The following CES5A variants were observed in gnomAD, a reference collection of about 807,000 sequenced individuals.
The protein encoded by CES5A is carboxylesterase 5.
In CES5A, 67 loss-of-function variants were observed where a neutral mutation model predicts 62.9. The observed-to-expected ratio is 1.07, with a 90% CI of 0.88 to 1.31. CES5A has a LOEUF of 1.31. CES5A is among the 50% of genes most tolerant of loss of function. The pLI is 0.00. For missense variants in CES5A, 748 were observed against 708.5 expected (o/e 1.06, Z -0.63); for synonymous variants, 296 against 280.8 (o/e 1.05, Z -0.54).
rs547922688 is a variant in CES5A at position 55,864,644 on chromosome 16, C to T, written c.706-1192G>A. 3.3e-5 allele frequency among the ~76,000 whole-genome samples: 5 copies of T among 152,232 alleles called. No individual in the cohort carries two copies. In the South Asian group the frequency reaches 1.0e-3, roughly 32 times the overall value. On this transcript the variant is annotated intron_variant, in intron 5 of 12. Coordinates refer to ENST00000290567, the MANE Select transcript of CES5A (RefSeq NM_001143685.2). ...GCATAGTGGCTCACGCCTGTAATCCCAGCACTTTGGGAAGCCAAAGCAAGA... is the reference window on the plus strand; with the variant it reads ...GCATAGTGGCTCACGCCTGTAATCCTAGCACTTTGGGAAGCCAAAGCAAGA...
intron 1 of CES5A, among the ~76,000 whole-genome samples, chr16:55,894,301 G>A (rs1402275154): frequency 6.6e-6 from 1 of 151,974 alleles, no homozygotes; most frequent in Non-Finnish European, 1.5e-5. Flanking sequence ...GAGGTCAGGA[G>A]TTCAAGACCA....
intron 2 of CES5A, chr16:55,944,324 G>A (rs1202310042): frequency 8.8e-6 from 5 of 566,520 alleles, no homozygotes; most frequent in Non-Finnish European, 1.6e-5. Flanking sequence ...GAAGTAAAAG[G>A]TAAGAACATG....
chr16:55,897,833 T>C (rs1423598824), intron 1 of CES5A, among the ~76,000 whole-genome samples: 5 of 152,120 alleles, frequency 3.3e-5, no homozygotes, highest in African/African-American at 1.2e-4. Context: ...AATAAAGAAA[T>C]GTAGTAGTAG....
chr16:55,885,595 G>A (rs1235083758), intron 1 of CES5A, among the ~76,000 whole-genome samples: 1 of 152,122 alleles, frequency 6.6e-6, no homozygotes. Context: ...TCAGGGAGCC[G>A]GGAAGCCTAT....
At chr16:55,884,771 G>A (rs1567340498) in intron 1 of CES5A, among the ~76,000 whole-genome samples, 3 of 151,940 alleles carry the variant, frequency 2.0e-5, no homozygotes, top group South Asian at 4.1e-4. Context: ...TTTAAATTTT[G>A]TGTAGAGACA....
chr16:55,894,591 G>T (rs2033913736), intron 1 of CES5A, among the ~76,000 whole-genome samples: 1 of 151,826 alleles, frequency 6.6e-6, no homozygotes, highest in Non-Finnish European at 1.5e-5. Flanking sequence ...ATGGAGTAGG[G>T]AACTCCAAGG....
chr16:55,866,237 C>T, intron 4 of CES5A, 121 bp from the exon 5 acceptor site: 4 of 839,808 alleles, frequency 4.8e-6, no homozygotes, highest in East Asian at 2.8e-5. Context: ...GAGTCAGAGG[C>T]CTGGAGGAGC....
In CES5A at chr16:55,865,990, G is replaced by A. The variant is rs371244019; in HGVS notation, c.678C>T (p.Ser226=). ...DPSSVTIFGE[S]AGAISVSSLI... The stretch of plus-strand genomic sequence containing the variant: ...GACTAGAAACACTTATGGCTCCCGC[G>A]GACTCGCCAAAGATGGTCACAGAGC... The change falls in exon 5 of 13, where the codon TCC becomes TCT. Residue 226 remains serine (S), a synonymous_variant. Coordinates refer to ENST00000290567, the MANE Select transcript of CES5A (RefSeq NM_001143685.2). 8.7e-6 allele frequency: 14 copies of A among 1,614,182 alleles called. No individual in the cohort carries two copies. The highest frequency in any genetic ancestry group is 8.0e-5 in the African/African-American group (6 of 75,036).
chr16:55,888,254 C>T (rs2033837613), intron 1 of CES5A, among the ~76,000 whole-genome samples: 2 of 152,152 alleles, frequency 1.3e-5, no homozygotes, highest in Non-Finnish European at 2.9e-5. Context: ...AGATTCCCTT[C>T]ATGTTGACAA....
chr16:55,850,968 T>A (rs2033121272), intron 10 of CES5A, among the ~76,000 whole-genome samples: 1 of 152,170 alleles, frequency 6.6e-6, no homozygotes, highest in African/African-American at 2.4e-5. Context: ...GATTCTTCCC[T>A]CATAGTATAT....
intron 4 of CES5A, among the ~76,000 whole-genome samples, chr16:55,867,426 GA>G (rs1431757284): frequency 1.3e-5 from 2 of 152,130 alleles, no homozygotes; most frequent in African/African-American, 2.4e-5. Context: ...TGTCTAGACC[GA>G]AAGCATGCAT....
At chr16:55,880,735 G>A (rs1193828113) in intron 1 of CES5A, among the ~76,000 whole-genome samples, 2 of 152,182 alleles carry the variant, frequency 1.3e-5, no homozygotes, top group Non-Finnish European at 2.9e-5. Context: ...AGAGGCAAGG[G>A]TAATTACAAG....
chr16:55,898,945 G>A (rs1361378025), intron 1 of CES5A, among the ~76,000 whole-genome samples: 1 of 152,172 alleles, frequency 6.6e-6, no homozygotes, highest in Non-Finnish European at 1.5e-5. Context: ...GTTACATTCT[G>A]TAGATGAGGA....
intron 2 of CES5A, among the ~76,000 whole-genome samples, chr16:55,942,760 T>C (rs1356516438): frequency 1.3e-5 from 2 of 152,212 alleles, no homozygotes; most frequent in African/African-American, 4.8e-5. Flanking sequence ...ATATCCAAAA[T>C]TGGAAATAAC....
Position 55,866,119 on chromosome 16 carries a change from G to C in CES5A, c.552-3C>G. 6.2e-7 allele frequency: 1 copy of C among 1,605,718 alleles called. No homozygotes were observed. The highest frequency in any genetic ancestry group is 8.5e-7 in the Non-Finnish European group (1 of 1,174,924). On this transcript the variant is annotated splice_polypyrimidine_tract_variant and splice_region_variant and intron_variant, in intron 4 of 12. Coordinates refer to ENST00000290567, the MANE Select transcript of CES5A (RefSeq NM_001143685.2). The stretch of plus-strand genomic sequence containing the variant: ...CCGGAGCATGCTGATCCCATGTGCT[G>C]AGGACAAGAGGCAGGGTGAGAATTC...
At chr16:55,872,871 C>T (rs1329265217) in intron 2 of CES5A, among the ~76,000 whole-genome samples, 3 of 152,182 alleles carry the variant, frequency 2.0e-5, no homozygotes, top group Non-Finnish European at 4.4e-5. Flanking sequence ...CACCCCTCTC[C>T]ATGCTCCATG....
rs752414452 is a variant in CES5A at position 55,859,644 on chromosome 16, G to C, written c.959C>G (p.Pro320Arg). The change falls in exon 8 of 13, where the codon CCT becomes CGT. Residue 320 changes from proline to arginine, a missense_variant. Pro to Arg is a moderately radical substitution (Grantham distance 103). Coordinates refer to ENST00000290567, the MANE Select transcript of CES5A (RefSeq NM_001143685.2). ...AGACAATAGATCTAGAGGCTCATTA[G>C]GAAAGAAAGCACCATCAACCACTCG... ...FTRVVDGAFF[P>R]NEPLDLLSQK... is the part of the protein sequence containing the mutation. The C allele has an allele frequency of 3.1e-6, 5 of 1,612,822 alleles. No individual in the cohort carries two copies. The South Asian group carries it at 3.3e-5, about 11-fold the overall frequency.
intron 1 of CES5A, among the ~76,000 whole-genome samples, chr16:55,922,415 G>T (rs190323249): frequency 1.3e-5 from 2 of 151,932 alleles, no homozygotes; most frequent in Admixed American, 6.6e-5. Context: ...AGAAAAAATA[G>T]ACTACAAATC....
chr16:55,869,969 G>A (rs1342872601), intron 3 of CES5A, among the ~76,000 whole-genome samples: 2 of 152,232 alleles, frequency 1.3e-5, no homozygotes, highest in African/African-American at 2.4e-5. Context: ...TGTGACCTTG[G>A]AAAGATTACT....
Sources: gnomAD v4.1 joint callset for allele counts (sites outside exome capture counted in the v4.1 genomes callset) on GRCh38, gnomAD v4.1.1 for gene constraint, MANE v1.5 for transcripts, NCBI Gene and HGNC (gene_info 2026-07-23, HGNC 2026-07-21) for gene names.